Variants in LRRC3C observed in about 807,000 individuals in gnomAD.
LRRC3C encodes the protein leucine-rich repeat-containing protein 3C.
Under a neutral mutation model 14.8 loss-of-function variants are expected in LRRC3C, and 11 were observed. That is an observed-to-expected ratio of 0.74 (90% CI 0.47 to 1.23). LRRC3C has a LOEUF of 1.23. LRRC3C is among the 50% of genes most tolerant of loss of function. The pLI is 0.00. For synonymous variants in LRRC3C, 149 were observed against 161.5 expected (o/e 0.92, Z 0.59); for missense variants, 354 against 361.8 (o/e 0.98, Z 0.18).
At chr17:39,940,508 G>C (rs1335203919) in intron 2 of LRRC3C, among the ~76,000 whole-genome samples, 2 of 152,120 alleles carry the variant, frequency 1.3e-5, no homozygotes, top group Admixed American at 1.3e-4. Flanking sequence ...CACTTCCCAG[G>C]CTCAAGCCAT....
rs1381687760 is a variant in LRRC3C at position 39,934,980 on chromosome 17, A to G, written c.-174-822A>G. 1.2e-3 allele frequency among the ~76,000 whole-genome samples: 180 copies of G among 152,020 alleles called. 2 individuals are homozygous for G. The highest frequency in any genetic ancestry group is 1.2e-4 in the Non-Finnish European group (8 of 67,962). ...GTAGCAGTGAGGACCACCAGCGGTC[A>G]CTCTCATTGCCATTTTGGTTTTGAT... On this transcript the variant is annotated intron_variant, in intron 1 of 3. Coordinates refer to ENST00000377924, the MANE Select transcript of LRRC3C (RefSeq NM_001195545.2).
chr17:39,935,923 C>A, intron 2 of LRRC3C, 29 bp downstream of exon 2: 1 of 962,988 alleles, frequency 1.0e-6, no homozygotes, highest in Non-Finnish European at 1.2e-6. Flanking sequence ...TCTTCTCTAT[C>A]TATCTATCTA....
intron 1 of LRRC3C, 105 bp downstream of exon 1, chr17:39,927,919 G>T (rs1978530371): frequency 1.1e-6 from 1 of 952,046 alleles, no homozygotes; most frequent in African/African-American, 1.8e-5. Context: ...ACTTTCTGTA[G>T]GTCTTTGCTG....
intron 2 of LRRC3C, among the ~76,000 whole-genome samples, chr17:39,936,766 G>A (rs2144762702): frequency 1.3e-5 from 2 of 151,772 alleles, no homozygotes; most frequent in Middle Eastern, 6.8e-3. Context: ...ACCGTGAGCT[G>A]TGATGCCACC....
intron 2 of LRRC3C, among the ~76,000 whole-genome samples, chr17:39,940,708 G>A (rs1205133900): frequency 1.3e-5 from 2 of 151,872 alleles, no homozygotes; most frequent in African/African-American, 4.8e-5. Context: ...CTCCGAAAGT[G>A]CTGAGATTAT....
intron 1 of LRRC3C, among the ~76,000 whole-genome samples, chr17:39,935,286 A>C (rs1978766069): frequency 6.7e-6 from 1 of 149,356 alleles, no homozygotes; most frequent in Non-Finnish European, 1.5e-5. Flanking sequence ...CTCAAGGCCT[A>C]CCTCACCTGT....
At chr17:39,936,002 C>A in intron 2 of LRRC3C, 108 bp downstream of exon 2, 1 of 503,452 alleles carries the variant, frequency 2.0e-6, no homozygotes, top group Non-Finnish European at 2.6e-6. Flanking sequence ...AGGTCTCCAA[C>A]ATCAGGGAGG....
chr17:39,942,885 C>T lies in LRRC3C; in HGVS notation c.27-1048C>T, dbSNP rs1005343524. On this transcript the variant is annotated intron_variant, in intron 3 of 3. Transcript: ENST00000377924. ...GAGATGGGGCCCACCCAGTTCTGCCCGCCAGGCCTGCCAAGCAGGGATCCT... is the reference window on the plus strand; with the variant it reads ...GAGATGGGGCCCACCCAGTTCTGCCTGCCAGGCCTGCCAAGCAGGGATCCT... 3.3e-5 allele frequency among the ~76,000 whole-genome samples: 5 copies of T among 152,152 alleles called. 1 individual carries two copies. In the South Asian group the frequency reaches 1.0e-3, roughly 32 times the overall value.
chr17:39,928,338 C>T (rs1371413569), intron 1 of LRRC3C, among the ~76,000 whole-genome samples: 1 of 152,220 alleles, frequency 6.6e-6, no homozygotes, highest in African/African-American at 2.4e-5. Flanking sequence ...CGTCTAAAGG[C>T]AAGGGCACAG....
At chr17:39,941,275 T>C (rs915639504) in intron 2 of LRRC3C, among the ~76,000 whole-genome samples, 168 bp from the exon 3 acceptor site, 6 of 145,866 alleles carry the variant, frequency 4.1e-5, no homozygotes, top group African/African-American at 7.6e-5. Context: ...CGTTTTAACC[T>C]GGGAGGCAGA....
intron 1 of LRRC3C, among the ~76,000 whole-genome samples, chr17:39,930,781 G>A (rs947694324): frequency 1.0e-4 from 15 of 149,754 alleles, no homozygotes; most frequent in African/African-American, 3.7e-4. Context: ...GGTATTCAAC[G>A]ATATTAAGGA....
chr17:39,936,602 A>C (rs1978802765), intron 2 of LRRC3C, among the ~76,000 whole-genome samples: 1 of 151,762 alleles, frequency 6.6e-6, no homozygotes, highest in Admixed American at 6.6e-5. Flanking sequence ...CAGGAGTTTG[A>C]AACCAGCCTG....
intron 3 of LRRC3C, among the ~76,000 whole-genome samples, chr17:39,942,297 C>G (rs1485366286): frequency 1.3e-5 from 2 of 152,188 alleles, no homozygotes; most frequent in African/African-American, 4.8e-5. Context: ...TCATCTTCTG[C>G]CTTGAAATCC....
At chr17:39,936,158 G>T (rs1187880910) in intron 2 of LRRC3C, among the ~76,000 whole-genome samples, 1 of 152,190 alleles carries the variant, frequency 6.6e-6, no homozygotes, top group African/African-American at 2.4e-5. Flanking sequence ...CTGAACTTGG[G>T]AGCCAGGGCC....
chr17:39,929,060 G>A (rs1978572005), intron 1 of LRRC3C: 1 of 152,224 alleles, frequency 6.6e-6, no homozygotes, highest in African/African-American at 2.4e-5. Context: ...TTTCCTTATA[G>A]TCATCTTTCT....
intron 3 of LRRC3C, 134 bp from the exon 4 acceptor site, chr17:39,943,799 C>A: frequency 1.3e-6 from 1 of 772,530 alleles, no homozygotes; most frequent in Non-Finnish European, 2.0e-6. Context: ...GTCACCCAGG[C>A]TTGAGAGAAG....
intron 1 of LRRC3C, among the ~76,000 whole-genome samples, chr17:39,932,727 C>T (rs1415123882): frequency 6.6e-6 from 1 of 151,762 alleles, no homozygotes; most frequent in Non-Finnish European, 1.5e-5. Flanking sequence ...TATTTCACTC[C>T]AGCCTGGGCA....
At chr17:39,935,133 T>A (rs1978762044) in intron 1 of LRRC3C, among the ~76,000 whole-genome samples, 1 of 152,184 alleles carries the variant, frequency 6.6e-6, no homozygotes, top group Non-Finnish European at 1.5e-5. Flanking sequence ...AGCCTCATTT[T>A]ACCCAGCTTC....
chr17:39,944,266 G>A lies in LRRC3C; in HGVS notation c.360G>A (p.Gly120=), dbSNP rs771704869. The A allele has an allele frequency of 8.5e-6, 13 of 1,534,792 alleles. No individual in the cohort carries two copies. The African/African-American group carries it at 1.1e-4, about 13-fold the overall frequency. The stretch of plus-strand genomic sequence containing the variant: ...ATAATGCCCTTGCCCACCTCTCAGG[G>A]GCGGCTTTCCAGGGCCTGGAGGGCA... The part of the protein sequence containing the change: ...LSHNALAHLS[G]AAFQGLEGTL... The change falls in exon 4 of 4, where the codon GGG becomes GGA. Residue 120 remains glycine, a synonymous_variant. Transcript: ENST00000377924.
Sources: gnomAD v4.1 joint callset for allele counts (sites outside exome capture counted in the v4.1 genomes callset) on GRCh38, gnomAD v4.1.1 for gene constraint, MANE v1.5 for transcripts, NCBI Gene and HGNC (gene_info 2026-07-23, HGNC 2026-07-21) for gene names.